The following KCNQ2 variants were observed in gnomAD, a reference collection of about 807,000 sequenced individuals.
KCNQ2 encodes potassium voltage-gated channel subfamily KQT member 2.
Under a neutral mutation model 84.8 loss-of-function variants are expected in KCNQ2, and 14 were observed. The ratio of observed to expected loss-of-function variants is 0.17; its 90% CI spans 0.11 to 0.26. KCNQ2 has a LOEUF of 0.26. Ranked by LOEUF, KCNQ2 falls within the 10% of genes least tolerant of loss-of-function variation. The pLI is 1.00. For synonymous variants in KCNQ2, 599 were observed against 554.1 expected (o/e 1.08, Z -1.14); for missense variants, 788 against 1,254.0 (o/e 0.63, Z 5.61).
intron 12 of KCNQ2, among the ~76,000 whole-genome samples, chr20:63,417,410 C>T (rs1859032127): frequency 6.6e-6 from 1 of 152,252 alleles, no homozygotes; most frequent in South Asian, 2.1e-4. Context: ...TGCGTTTCCA[C>T]CCGAGGCAGG....
At chr20:63,412,180 A>T (rs2080139920) in intron 15 of KCNQ2, 3 of 360,182 alleles carry the variant, frequency 8.3e-6, no homozygotes, top group South Asian at 7.1e-5. Flanking sequence ...AGGAGCCGGT[A>T]CCAGACAGGC....
chr20:63,453,244 C>A (rs554553457), intron 1 of KCNQ2, among the ~76,000 whole-genome samples: 15 of 152,346 alleles, frequency 9.8e-5, no homozygotes, highest in African/African-American at 3.6e-4. Flanking sequence ...CCTGAGGCAC[C>A]GTCGCCAGGG....
intron 15 of KCNQ2, chr20:63,411,115 C>T: frequency 2.4e-6 from 1 of 415,736 alleles, no homozygotes; most frequent in Non-Finnish European, 4.8e-6. Flanking sequence ...AATTAGGATG[C>T]TGGCAGCTTG....
intron 15 of KCNQ2, 138 bp downstream of exon 15, chr20:63,413,312 G>A (rs780303289): frequency 3.3e-6 from 3 of 900,306 alleles, no homozygotes; most frequent in East Asian, 2.6e-5. Context: ...CACAACAGAA[G>A]CTGACAGAGG....
At position 63,436,348 on chromosome 20, in the gene KCNQ2, G is replaced by A. The variant is rs192438995; in HGVS notation, c.1023+2277C>T. Reference sequence around the variant, plus strand: ...AGATCGAGACCATCCTGGCTAACACGGTGAAACCCCGTCTCTACTAAAAAT... The same window carrying A: ...AGATCGAGACCATCCTGGCTAACACAGTGAAACCCCGTCTCTACTAAAAAT... On this transcript the variant is annotated intron_variant, in intron 7 of 16. Coordinates refer to ENST00000359125, the MANE Select transcript of KCNQ2 (RefSeq NM_172107.4). Among the ~76,000 whole-genome samples the A allele has an allele frequency of 2.0e-3, 298 of 152,210 alleles. 5 individuals carry two copies. In the East Asian group the frequency reaches 0.031, roughly 16 times the overall value.
At chr20:63,458,426 G>A (rs2081862499) in intron 1 of KCNQ2, among the ~76,000 whole-genome samples, 1 of 152,156 alleles carries the variant, frequency 6.6e-6, no homozygotes, top group Non-Finnish European at 1.5e-5. Context: ...CCCTGCCCCA[G>A]GGCCTTTGCA....
chr20:63,433,117 C>G (rs2145674378), intron 8 of KCNQ2, among the ~76,000 whole-genome samples: 1 of 152,318 alleles, frequency 6.6e-6, no homozygotes, highest in South Asian at 2.1e-4. Context: ...AGCCAGGCAA[C>G]GAAAATCCCA....
rs60028841 is a variant in KCNQ2, at chr20:63,436,775, CT to C, written c.1023+1849del. Among the ~76,000 whole-genome samples the C allele has an allele frequency of 5.9e-3, 727 of 122,358 alleles. 4 individuals are homozygous for C. Among genetic ancestry groups the C allele is most frequent in the African/African-American group, 0.02 (643 of 31,608 alleles). 80.3% of individuals were successfully genotyped at this position (122,358 alleles called of 152,430 possible). A position where few individuals can be genotyped will look rare whatever the true frequency, so the allele number is the denominator to read the frequency against. ...AAGCTATGGCATGGTATAAACATAA[CT>C]TTTTTTTTTTTTTTTTTTGAGACGG... On this transcript the variant is annotated intron_variant, in intron 7 of 16. Coordinates refer to ENST00000359125, the MANE Select transcript of KCNQ2 (RefSeq NM_172107.4).
chr20:63,413,124 CCACA>C (rs1240282329), intron 15 of KCNQ2, among the ~76,000 whole-genome samples: 1 of 152,272 alleles, frequency 6.6e-6, no homozygotes, highest in African/African-American at 2.4e-5. Context: ...GTGCATACAA[CCACA>C]CACATACACC....
chr20:63,463,802 G>A (rs1019351299), intron 1 of KCNQ2: 2 of 152,244 alleles, frequency 1.3e-5, no homozygotes, highest in South Asian at 4.1e-4. Context: ...AGACCTGGAG[G>A]ATGAGGCGGG....
chr20:63,421,495 C>A (rs987579534), intron 11 of KCNQ2, among the ~76,000 whole-genome samples: 5 of 152,162 alleles, frequency 3.3e-5, no homozygotes, highest in African/African-American at 1.2e-4. Flanking sequence ...TGGCACTGGG[C>A]TTCCTTCCTG....
intron 1 of KCNQ2, among the ~76,000 whole-genome samples, chr20:63,456,880 C>T (rs1481532827): frequency 6.6e-6 from 1 of 152,214 alleles, no homozygotes; most frequent in Non-Finnish European, 1.5e-5. Context: ...CTCCCCGGGG[C>T]TGGGGACCTG....
chr20:63,472,386 C>G lies in KCNQ2; in HGVS notation c.78G>C (p.Gly26=), dbSNP rs772452810. The G allele has an allele frequency of 6.5e-7, 1 of 1,536,330 alleles. No individual in the cohort carries two copies. The highest frequency in any genetic ancestry group is 8.7e-7 in the Non-Finnish European group (1 of 1,144,248). The stretch of plus-strand genomic sequence containing the variant: ...TGGAGTCGGGCGCGCCGGGGTCCAG[C>G]CCCACGAAGCCCACCTTCAGCTTCT... ...GEKKLKVGFV[G]LDPGAPDSTR... The change falls in exon 1 of 17, where the codon GGG becomes GGC. Residue 26 remains glycine (G), a synonymous_variant. Coordinates refer to ENST00000359125, the MANE Select transcript of KCNQ2 (RefSeq NM_172107.4).
chr20:63,443,007 TCACCATCACCAC>T, intron 4 of KCNQ2, among the ~76,000 whole-genome samples: 1 of 26,592 alleles, frequency 3.8e-5, no homozygotes, highest in Non-Finnish European at 7.0e-5. Context: ...ATCACCACCA[TCACCATCACCAC>T]CACCATCACA....
Position 63,438,864 on chromosome 20 carries a change from A to C in KCNQ2, c.928-144T>G. The C allele has an allele frequency of 1.6e-6, 1 of 607,064 alleles. No homozygotes were observed. 37.6% of individuals were successfully genotyped at this position (607,064 alleles called of 1,614,324 possible). ...CAGAGACTCACACACCCCCCAATTC[A>C]TCAGGGTCAGACCACGCCCCAGGGA... On this transcript the variant is annotated intron_variant, in intron 6 of 16. Coordinates refer to ENST00000359125, the MANE Select transcript of KCNQ2 (RefSeq NM_172107.4). The surrounding 1 kb of genome is among the most constrained non-coding windows in gnomAD (Gnocchi z 5.1).
At chr20:63,464,598 G>A (rs1222547823) in intron 1 of KCNQ2, among the ~76,000 whole-genome samples, 6 of 152,132 alleles carry the variant, frequency 3.9e-5, no homozygotes, top group Non-Finnish European at 8.8e-5. Flanking sequence ...GCACAGCACA[G>A]GCCCACTGCT....
chr20:63,468,841 C>A (rs976623068), intron 1 of KCNQ2, among the ~76,000 whole-genome samples: 13 of 149,982 alleles, frequency 8.7e-5, no homozygotes, highest in Non-Finnish European at 1.8e-4. Flanking sequence ...GCAATCTGCA[C>A]CCCCAAGCTC....
intron 1 of KCNQ2, chr20:63,453,617 A>T (rs1404298744): frequency 6.6e-6 from 1 of 152,558 alleles, no homozygotes; most frequent in African/African-American, 2.4e-5. Context: ...GCGGGGACAC[A>T]GAGGGCATCA....
At chr20:63,459,517 A>G (rs770369680) in intron 1 of KCNQ2, 2 of 152,218 alleles carry the variant, frequency 1.3e-5, no homozygotes, top group Non-Finnish European at 2.9e-5. Flanking sequence ...TCAAAAATAA[A>G]TAAATTAAAT....
Sources: allele counts gnomAD v4.1 joint callset (sites outside exome capture counted in the v4.1 genomes callset), GRCh38; gene constraint gnomAD v4.1.1; non-coding constraint Gnocchi (gnomAD v3.1); transcripts MANE v1.5; gene names NCBI Gene and HGNC (gene_info 2026-07-23, HGNC 2026-07-21).